The following SYNPR variants were observed in gnomAD, a reference collection of about 807,000 sequenced individuals.
SYNPR encodes the protein synaptoporin.
A neutral mutation model predicts 32.9 loss-of-function variants in SYNPR; 23 were observed. The ratio of observed to expected loss-of-function variants is 0.70; its 90% CI spans 0.50 to 0.99. The LOEUF (loss-of-function observed/expected upper bound fraction) is 0.99, where lower values mean the gene tolerates loss of function less well. Among genes scored for constraint, SYNPR ranks in the 50% least tolerant of loss-of-function variants. SYNPR has a pLI of 0.00. For synonymous variants in SYNPR, 146 were observed against 135.9 expected, an observed-to-expected ratio of 1.07 and a Z score of -0.52; for missense variants, 318 against 349.3, an observed-to-expected ratio of 0.91 and a Z score of 0.71.
At position 63,615,753 on chromosome 3, in the gene SYNPR, T is replaced by C. The variant is rs963485705; in HGVS notation, c.*272T>C. The C allele has an allele frequency of 3.1e-6, 1 of 326,860 alleles. No individual in the cohort carries two copies. The highest frequency in any genetic ancestry group is 2.1e-5 in the African/African-American group (1 of 46,892). The allele number at this position is 326,860 out of a possible 1,614,324, so 20.2% of individuals were successfully genotyped here. ...TACTTTCATGGTCATTTTGTATGTA[T>C]GTTAAAGTAGTAGAAGTATTTTGTA... On this transcript the variant is annotated 3_prime_UTR_variant, in exon 6 of 6. Transcript: ENST00000478300.
At chr3:63,372,177 A>G (rs563858265) in intron 2 of SYNPR, among the ~76,000 whole-genome samples, 2 of 152,026 alleles carry the variant, frequency 1.3e-5, no homozygotes, top group South Asian at 4.2e-4. Context: ...CTGAGAAAAA[A>G]CAAAAACACA....
chr3:63,511,174 G>T (rs1216199004), intron 3 of SYNPR, among the ~76,000 whole-genome samples: 1 of 151,896 alleles, frequency 6.6e-6, no homozygotes, highest in African/African-American at 2.4e-5. Context: ...GGCCTAGAAA[G>T]GCCTGAATGA....
At position 63,322,493 on chromosome 3, in the gene SYNPR, A is replaced by G. The variant is rs573186795; in HGVS notation, c.84+43751A>G. Among the ~76,000 whole-genome samples the G allele has an allele frequency of 3.6e-4, 55 of 152,190 alleles. 1 individual carries two copies. Among genetic ancestry groups the G allele is most frequent in the Admixed American group, 1.3e-3 (20 of 15,278 alleles). On this transcript the variant is annotated intron_variant, in intron 2 of 5. Transcript: ENST00000478300. Reference sequence around the variant, plus strand: ...GGGCTTAAATCCAGGTTGGCCTGCTACCAAAAATGTATACGCTTGACCACT... The same window carrying G: ...GGGCTTAAATCCAGGTTGGCCTGCTGCCAAAAATGTATACGCTTGACCACT...
At chr3:63,418,648 C>T (rs992899862) in intron 2 of SYNPR, among the ~76,000 whole-genome samples, 2 of 152,200 alleles carry the variant, frequency 1.3e-5, no homozygotes, top group Admixed American at 1.3e-4. Flanking sequence ...CAAAGAGGAA[C>T]AAGCCACGTC....
chr3:63,236,469 T>C (rs1020128659), intron 1 of SYNPR, among the ~76,000 whole-genome samples: 3 of 152,110 alleles, frequency 2.0e-5, no homozygotes, highest in Non-Finnish European at 4.4e-5. Context: ...TTGGGGAGAA[T>C]TGATGTATTT....
At chr3:63,247,903 C>T (rs1190529648) in intron 1 of SYNPR, among the ~76,000 whole-genome samples, 1 of 152,110 alleles carries the variant, frequency 6.6e-6, no homozygotes, top group Non-Finnish European at 1.5e-5. Context: ...GTGGCCAAAA[C>T]ATGGGGCAGA....
chr3:63,286,489 G>T (rs1028675851), intron 2 of SYNPR, among the ~76,000 whole-genome samples: 2 of 152,162 alleles, frequency 1.3e-5, no homozygotes, highest in African/African-American at 4.8e-5. Context: ...TTCCCCCATA[G>T]AAACTGGGGA....
intron 2 of SYNPR, among the ~76,000 whole-genome samples, chr3:63,304,780 GATTA>G (rs1336457008): frequency 9.2e-5 from 14 of 151,590 alleles, no homozygotes; most frequent in East Asian, 1.9e-4. Context: ...TCTTTTATTT[GATTA>G]ATTAATTTTA....
At chr3:63,572,793 T>C (rs1387033114) in intron 4 of SYNPR, among the ~76,000 whole-genome samples, 1 of 152,198 alleles carries the variant, frequency 6.6e-6, no homozygotes, top group East Asian at 1.9e-4. Context: ...GAAAACTTGA[T>C]ATTCTGCTAC....
upstream of SYNPR, chr3:63,278,301 C>G (rs923658181): frequency 1.7e-6 from 1 of 578,066 alleles, no homozygotes; most frequent in Non-Finnish European, 3.1e-6. Flanking sequence ...CCAGCTCTTC[C>G]CTGCCCACCC....
intron 3 of SYNPR, among the ~76,000 whole-genome samples, chr3:63,524,658 G>T (rs900016670): frequency 6.6e-6 from 1 of 152,124 alleles, no homozygotes; most frequent in African/African-American, 2.4e-5. Flanking sequence ...ACACTGAGGG[G>T]TGTCATCCTC....
chr3:63,218,344 T>A, the SYNPR span, among the ~76,000 whole-genome samples: 11 of 152,164 alleles, frequency 7.2e-5, no homozygotes, highest in African/African-American at 1.9e-4. Flanking sequence ...ATTTCTCCAA[T>A]AGAGGGATGA....
At chr3:63,557,470 T>C (rs1460942866) in intron 4 of SYNPR, among the ~76,000 whole-genome samples, 1 of 152,202 alleles carries the variant, frequency 6.6e-6, no homozygotes, top group Non-Finnish European at 1.5e-5. Flanking sequence ...TACTACACAG[T>C]ACATTTACAG....
At chr3:63,385,771 T>C (rs112796469) in intron 2 of SYNPR, among the ~76,000 whole-genome samples, 4 of 152,172 alleles carry the variant, frequency 2.6e-5, no homozygotes, top group African/African-American at 9.7e-5. Flanking sequence ...GTTACATATG[T>C]GAGGAAACAC....
intron 1 of SYNPR, among the ~76,000 whole-genome samples, chr3:63,241,345 G>C (rs754869584): frequency 3.9e-5 from 6 of 152,136 alleles, no homozygotes; most frequent in Admixed American, 3.3e-4. Context: ...AAGGTAACAG[G>C]TTCCTGATAT....
chr3:63,209,893 T>G, the SYNPR span, among the ~76,000 whole-genome samples: 8 of 152,312 alleles, frequency 5.3e-5, no homozygotes, highest in Non-Finnish European at 4.4e-5. Flanking sequence ...TGGAAGGTGT[T>G]GGTCTTGCTC....
At chr3:63,504,320 A>G (rs2106741964) in intron 3 of SYNPR, among the ~76,000 whole-genome samples, 1 of 152,274 alleles carries the variant, frequency 6.6e-6, no homozygotes, top group Admixed American at 6.5e-5. Flanking sequence ...TGAAGCTCGC[A>G]AAATAATTTT....
At chr3:63,539,758 G>T (rs1702266938) in intron 3 of SYNPR, among the ~76,000 whole-genome samples, 1 of 152,134 alleles carries the variant, frequency 6.6e-6, no homozygotes, top group South Asian at 2.1e-4. Context: ...AGCCAGTAAA[G>T]TTTGCATTAA....
At chr3:63,597,591 C>T (rs1699980075) in intron 4 of SYNPR, among the ~76,000 whole-genome samples, 1 of 152,104 alleles carries the variant, frequency 6.6e-6, no homozygotes, top group Non-Finnish European at 1.5e-5. Flanking sequence ...ATTGCTCGTT[C>T]CCACCAGGAT....
Sources: gnomAD v4.1 joint callset for allele counts (sites outside exome capture counted in the v4.1 genomes callset) on GRCh38, gnomAD v4.1.1 for gene constraint, MANE v1.5 for transcripts, NCBI Gene and HGNC (gene_info 2026-07-23, HGNC 2026-07-21) for gene names.